The following LSAMP variants were observed in gnomAD, a reference collection of about 807,000 sequenced individuals.
LSAMP encodes the protein limbic system associated membrane protein, also known as limbic system-associated membrane protein.
A neutral mutation model predicts 38.6 loss-of-function variants in LSAMP; 7 were observed. The ratio of observed to expected loss-of-function variants is 0.18; its 90% CI spans 0.10 to 0.34. LSAMP has a LOEUF of 0.34. LSAMP is among the 10% of genes least tolerant of loss of function. The pLI is 1.00. For missense variants in LSAMP, 313 were observed against 420.0 expected, an observed-to-expected ratio of 0.75 and a Z score of 2.23; for synonymous variants, 154 against 166.8, an observed-to-expected ratio of 0.92 and a Z score of 0.59.
At chr3:115,936,982 T>G (rs1227298815) in intron 3 of LSAMP, among the ~76,000 whole-genome samples, 1 of 152,186 alleles carries the variant, frequency 6.6e-6, no homozygotes, top group Non-Finnish European at 1.5e-5. Context: ...TTTAAAATTG[T>G]CTTTACATTG....
At chr3:116,075,438 T>G (rs1168981626) in intron 2 of LSAMP, among the ~76,000 whole-genome samples, 1 of 152,008 alleles carries the variant, frequency 6.6e-6, no homozygotes, top group Non-Finnish European at 1.5e-5. Context: ...ACCTGGCCTT[T>G]TTTCATTTCT....
intron 1 of LSAMP, among the ~76,000 whole-genome samples, chr3:116,213,119 G>T (rs947086702): frequency 2.0e-5 from 3 of 152,136 alleles, no homozygotes; most frequent in African/African-American, 7.2e-5. Flanking sequence ...ATAAATGCAT[G>T]ATATGATAGT....
In LSAMP at chr3:115,852,636, C is replaced by T; in HGVS notation, c.515-19G>A. Reference sequence around the variant, plus strand: ...TCCCTTCCTGAAAAACAGAGGTTTTCATGATTCTTTTTTAAAGTCTGAAAT... The same window carrying T: ...TCCCTTCCTGAAAAACAGAGGTTTTTATGATTCTTTTTTAAAGTCTGAAAT... On this transcript the variant is annotated intron_variant, in intron 3 of 6. Coordinates refer to ENST00000490035, the MANE Select transcript of LSAMP (RefSeq NM_002338.5). 6.2e-7 allele frequency: 1 copy of T among 1,603,142 alleles called. No homozygotes were observed. The highest frequency in any genetic ancestry group is 8.5e-7 in the Non-Finnish European group (1 of 1,175,948).
rs565064949 is a variant in LSAMP, at chr3:116,372,294, G to T, written c.155+72583C>A. 5.6e-4 allele frequency among the ~76,000 whole-genome samples: 85 copies of T among 152,060 alleles called. 1 individual carries two copies. The Middle Eastern group carries it at 0.01, about 18-fold the overall frequency. ...TGTATGATTAAATAATTTTCGACAA[G>T]GGTACCAAGACTATTCAATGGGGGA... On this transcript the variant is annotated intron_variant, in intron 1 of 6. Transcript: ENST00000490035.
chr3:116,322,474 A>G (rs1461284788), intron 1 of LSAMP, among the ~76,000 whole-genome samples: 1 of 152,208 alleles, frequency 6.6e-6, no homozygotes, highest in South Asian at 2.1e-4. Flanking sequence ...AGGAAATGTT[A>G]GTGATAGATA....
intron 4 of LSAMP, among the ~76,000 whole-genome samples, chr3:115,843,141 A>C (rs1935047091): frequency 6.6e-6 from 1 of 152,194 alleles, no homozygotes; most frequent in Non-Finnish European, 1.5e-5. Flanking sequence ...CTTTTATTTT[A>C]TGTGTTCCCT....
At chr3:115,887,850 C>T (rs1936494916) in intron 3 of LSAMP, among the ~76,000 whole-genome samples, 1 of 151,852 alleles carries the variant, frequency 6.6e-6, no homozygotes, top group Non-Finnish European at 1.5e-5. Context: ...ACAGTGAGAG[C>T]ATAATCCCAC....
chr3:116,359,458 G>A lies in LSAMP; in HGVS notation c.155+85419C>T, dbSNP rs190767383. Reference sequence around the variant, plus strand: ...GTAAAACCGACTGGATGTCAGAAGCGTAGCTGGTTCCAATGTGTAAATGTT... The same window carrying A: ...GTAAAACCGACTGGATGTCAGAAGCATAGCTGGTTCCAATGTGTAAATGTT... On this transcript the variant is annotated intron_variant, in intron 1 of 6. Coordinates refer to ENST00000490035, the MANE Select transcript of LSAMP (RefSeq NM_002338.5). Among the ~76,000 whole-genome samples, 646 of 152,322 alleles carry A rather than the reference G, an allele frequency of 4.2e-3. 6 individuals carry two copies. The highest frequency in any genetic ancestry group is 0.011 in the African/African-American group (442 of 41,574).
In LSAMP at chr3:116,200,093, TACACACACAC is replaced by T. The variant is rs36216707; in HGVS notation, c.156-113547_156-113538del. On this transcript the variant is annotated intron_variant, in intron 1 of 6. Transcript: ENST00000490035. Reference sequence around the variant, plus strand: ...GTTTTACTGTTTTTCAGTCTTACTTTACACACACACACACACACACACACACACACACACA... The same window carrying T: ...GTTTTACTGTTTTTCAGTCTTACTTTACACACACACACACACACACACACA... Among the ~76,000 whole-genome samples the T allele has an allele frequency of 7.3e-3, 1,091 of 148,734 alleles. 14 individuals carry two copies. Among genetic ancestry groups the T allele is most frequent in the African/African-American group, 0.022 (909 of 40,508 alleles).
intron 1 of LSAMP, among the ~76,000 whole-genome samples, chr3:116,151,845 C>T (rs574428551): frequency 7.2e-5 from 11 of 152,126 alleles, no homozygotes; most frequent in East Asian, 1.9e-4. Flanking sequence ...TCTCAATACA[C>T]GAAGAGGGTT....
At chr3:116,214,405 G>A (rs111797479) in intron 1 of LSAMP, among the ~76,000 whole-genome samples, 1 of 151,712 alleles carries the variant, frequency 6.6e-6, no homozygotes, top group Non-Finnish European at 1.5e-5. Context: ...ATGTTTCCCT[G>A]CTAAAAAGCC....
At chr3:116,039,760 C>G (rs866274734) in intron 2 of LSAMP, among the ~76,000 whole-genome samples, 23 of 152,152 alleles carry the variant, frequency 1.5e-4, no homozygotes, top group African/African-American at 4.6e-4. Flanking sequence ...GAGTTTGGAG[C>G]CTGCTGCGTG....
intron 3 of LSAMP, among the ~76,000 whole-genome samples, chr3:115,920,264 T>C (rs1412763646): frequency 1.3e-5 from 2 of 152,216 alleles, no homozygotes; most frequent in African/African-American, 2.4e-5. Context: ...GGAACCTCTT[T>C]ACTGGTTTCC....
intron 1 of LSAMP, among the ~76,000 whole-genome samples, chr3:116,120,633 A>G (rs1708852782): frequency 6.6e-6 from 1 of 152,228 alleles, no homozygotes; most frequent in Non-Finnish European, 1.5e-5. Context: ...GGCTAGGGCT[A>G]GTCCCAGGTT....
intron 1 of LSAMP, among the ~76,000 whole-genome samples, chr3:116,174,191 C>T (rs774022855): frequency 7.2e-5 from 11 of 151,984 alleles, no homozygotes; most frequent in Non-Finnish European, 1.6e-4. Flanking sequence ...TTCTTATAAA[C>T]TTCCCAAGAC....
At chr3:116,016,991 A>G (rs1351062959) in intron 3 of LSAMP, among the ~76,000 whole-genome samples, 1 of 152,056 alleles carries the variant, frequency 6.6e-6, no homozygotes, top group Non-Finnish European at 1.5e-5. Flanking sequence ...GGGTCCTCTG[A>G]GTTTATGTAA....
At chr3:115,933,500 T>C (rs1391302637) in intron 3 of LSAMP, among the ~76,000 whole-genome samples, 1 of 152,166 alleles carries the variant, frequency 6.6e-6, no homozygotes, top group Non-Finnish European at 1.5e-5. Context: ...AGAAACTAGT[T>C]GTCACAAAAT....
At chr3:116,335,663 A>G (rs553469068) in intron 1 of LSAMP, among the ~76,000 whole-genome samples, 1 of 152,220 alleles carries the variant, frequency 6.6e-6, no homozygotes, top group African/African-American at 2.4e-5. Flanking sequence ...AAATTATCAT[A>G]AGGCAAACAT....
At chr3:115,931,831 G>A (rs1276503944) in intron 3 of LSAMP, among the ~76,000 whole-genome samples, 3 of 152,124 alleles carry the variant, frequency 2.0e-5, no homozygotes, top group African/African-American at 7.2e-5. Context: ...GAAATGTTGA[G>A]TAACTGTCTC....
Sources: gnomAD v4.1 joint callset for allele counts (sites outside exome capture counted in the v4.1 genomes callset) on GRCh38, gnomAD v4.1.1 for gene constraint, MANE v1.5 for transcripts, NCBI Gene and HGNC (gene_info 2026-07-23, HGNC 2026-07-21) for gene names.